Variants in CDH18 observed in about 807,000 individuals in gnomAD.
CDH18 encodes cadherin-18.
Under a neutral mutation model 67.9 loss-of-function variants are expected in CDH18, and 31 were observed. The observed-to-expected ratio is 0.46, with a 90% CI of 0.34 to 0.62. The LOEUF (loss-of-function observed/expected upper bound fraction) is 0.62. CDH18 is among the 20% of genes least tolerant of loss of function. The pLI is 0.01. For synonymous variants in CDH18, 362 were observed against 347.2 expected (o/e 1.04, Z -0.48); for missense variants, 890 against 975.5 (o/e 0.91, Z 1.17).
intron 2 of CDH18, among the ~76,000 whole-genome samples, chr5:19,848,966 T>A (rs1400279102): frequency 6.6e-6 from 1 of 151,042 alleles, no homozygotes; most frequent in African/African-American, 2.4e-5. Flanking sequence ...CACATATATA[T>A]GTATATAATA....
chr5:20,242,611 A>ATATATATATATATATATATATATGT (rs1334205442), intron 2 of CDH18, among the ~76,000 whole-genome samples: 1 of 39,486 alleles, frequency 2.5e-5, no homozygotes, highest in Non-Finnish European at 4.6e-5. Context: ...AAAAAAAAAA[A>ATATATATATATATATATATATATGT]ATATATATAT....
rs1325491515 is a variant in CDH18 at position 20,373,498 on chromosome 5, C to G, written c.-579-117993G>C. On this transcript the variant is annotated intron_variant, in intron 1 of 14. Transcript: ENST00000507958. ...TCATATTAAATGTCATTCTATTTAA[C>G]AAGCATTCTCTGTGCCCCAGAGTAA... Among the ~76,000 whole-genome samples, 3 of 152,134 alleles carry G rather than the reference C, an allele frequency of 2.0e-5. No homozygotes were observed. The South Asian group carries it at 6.2e-4, about 32-fold the overall frequency.
In CDH18 at chr5:19,556,344, G is replaced by GTGAA. The variant is rs1322884850; in HGVS notation, c.1254-12343_1254-12340dup. Among the ~76,000 whole-genome samples the GTGAA allele has an allele frequency of 4.6e-5, 7 of 152,062 alleles. No homozygotes were observed. In the East Asian group the frequency reaches 1.4e-3, roughly 29 times the overall value. Reference sequence around the variant, plus strand: ...GCAATCAAGGAAGCACTAGAGAAAGGTGAAGTTCAACTTAAAGAAATCCAA... The same window carrying GTGAA: ...GCAATCAAGGAAGCACTAGAGAAAGGTGAATGAAGTTCAACTTAAAGAAATCCAA... On this transcript the variant is annotated intron_variant, in intron 8 of 12. Transcript: ENST00000382275.
intron 8 of CDH18, among the ~76,000 whole-genome samples, chr5:19,555,409 A>ACC (rs1161020194): frequency 2.6e-5 from 4 of 152,150 alleles, no homozygotes; most frequent in Admixed American, 6.5e-5. Flanking sequence ...CTGGAAATAA[A>ACC]CTTGGTGATG....
intron 3 of CDH18, among the ~76,000 whole-genome samples, chr5:19,802,766 C>T (rs376614430): frequency 1.3e-5 from 2 of 152,182 alleles, no homozygotes; most frequent in African/African-American, 2.4e-5. Flanking sequence ...CCAAAAAATG[C>T]TCTTGTCTGG....
At chr5:19,553,791 C>T (rs1172314443) in intron 8 of CDH18, among the ~76,000 whole-genome samples, 2 of 151,850 alleles carry the variant, frequency 1.3e-5, no homozygotes, top group Non-Finnish European at 2.9e-5. Flanking sequence ...TAGGTGTATG[C>T]CACCCTAATT....
chr5:19,612,715 A>C (rs1749191305), intron 5 of CDH18, 114 bp from the exon 6 acceptor site: 3 of 778,106 alleles, frequency 3.9e-6, no homozygotes, highest in Non-Finnish European at 6.1e-6. Context: ...TTTTGGGATA[A>C]AGTCACACGT....
At chr5:20,176,537 A>G (rs999908035) in intron 2 of CDH18, among the ~76,000 whole-genome samples, 3 of 152,170 alleles carry the variant, frequency 2.0e-5, no homozygotes, top group African/African-American at 7.2e-5. Flanking sequence ...TTCTTTCCAC[A>G]GTTACTTTCT....
At chr5:19,651,267 A>G (rs531291030) in intron 5 of CDH18, among the ~76,000 whole-genome samples, 1 of 152,200 alleles carries the variant, frequency 6.6e-6, no homozygotes, top group African/African-American at 2.4e-5. Context: ...GAATAAATAA[A>G]ATAAATTTAA....
At chr5:20,547,387 C>T (rs1383783183) in intron 1 of CDH18, among the ~76,000 whole-genome samples, 1 of 151,760 alleles carries the variant, frequency 6.6e-6, no homozygotes, top group East Asian at 1.9e-4. Context: ...ATTGTGAAAC[C>T]CCGTCTCTAC....
intron 1 of CDH18, among the ~76,000 whole-genome samples, chr5:20,360,169 A>C (rs1199172401): frequency 7.0e-6 from 1 of 143,570 alleles, no homozygotes; most frequent in Non-Finnish European, 1.5e-5. Flanking sequence ...TTGTAACTAT[A>C]ATAAACCATT....
At chr5:19,790,386 C>T (rs148947915) in intron 3 of CDH18, among the ~76,000 whole-genome samples, 1 of 151,978 alleles carries the variant, frequency 6.6e-6, no homozygotes, top group Admixed American at 6.6e-5. Flanking sequence ...ATACTATGTG[C>T]GAGTGCTTGG....
chr5:19,567,621 T>G (rs1173282905), intron 8 of CDH18, among the ~76,000 whole-genome samples: 1 of 152,188 alleles, frequency 6.6e-6, no homozygotes, highest in African/African-American at 2.4e-5. Flanking sequence ...GAGGCCCATG[T>G]GAATGACACA....
chr5:19,610,200 T>C (rs1748720673), intron 6 of CDH18, among the ~76,000 whole-genome samples: 1 of 152,084 alleles, frequency 6.6e-6, no homozygotes, highest in Admixed American at 6.6e-5. Context: ...TCTGCCAGAA[T>C]GTTACTGACT....
intron 1 of CDH18, among the ~76,000 whole-genome samples, chr5:20,546,670 T>C (rs2126607178): frequency 6.6e-6 from 1 of 152,096 alleles, no homozygotes; most frequent in Admixed American, 6.6e-5. Context: ...ATCACATCCC[T>C]CCCTGGATAT....
chr5:19,475,192 G>GCACACA (rs34517461), intron 12 of CDH18, among the ~76,000 whole-genome samples: 404 of 146,288 alleles, frequency 2.8e-3, no homozygotes, highest in Non-Finnish European at 4.3e-3. Flanking sequence ...ATCAATAACA[G>GCACACA]CACACACACA....
chr5:19,848,445 C>T (rs943077403), intron 2 of CDH18, among the ~76,000 whole-genome samples: 1 of 152,064 alleles, frequency 6.6e-6, no homozygotes, highest in Admixed American at 6.6e-5. Flanking sequence ...GGAGGAGGAG[C>T]CTCTTAATCA....
intron 5 of CDH18, among the ~76,000 whole-genome samples, chr5:19,638,658 C>T (rs1387477264): frequency 1.3e-5 from 2 of 151,336 alleles, no homozygotes; most frequent in South Asian, 2.1e-4. Flanking sequence ...TCCCCCCCCG[C>T]GCCCCACATA....
At chr5:19,912,176 A>C (rs1236238892) in intron 2 of CDH18, among the ~76,000 whole-genome samples, 1 of 133,914 alleles carries the variant, frequency 7.5e-6, no homozygotes, top group Non-Finnish European at 1.7e-5. Context: ...GCTATTAACA[A>C]TAATAATAAA....
Sources: gnomAD v4.1 joint callset for allele counts (sites outside exome capture counted in the v4.1 genomes callset) on GRCh38, gnomAD v4.1.1 for gene constraint, MANE v1.5 for transcripts, NCBI Gene and HGNC (gene_info 2026-07-23, HGNC 2026-07-21) for gene names.